The following TMPO variants were observed in gnomAD, a reference collection of about 807,000 sequenced individuals.
TMPO encodes thymopoietin.
A neutral mutation model predicts 45.4 loss-of-function variants in TMPO; 22 were observed. The observed-to-expected ratio is 0.48, with a 90% CI of 0.35 to 0.69. The LOEUF (loss-of-function observed/expected upper bound fraction) is 0.69, where lower values mean the gene tolerates loss of function less well. TMPO is among the 30% of genes least tolerant of loss of function. The pLI is 0.01. For missense variants in TMPO, 512 were observed against 548.8 expected (o/e 0.93, Z 0.67); for synonymous variants, 241 against 204.1 (o/e 1.18, Z -1.54).
At chr12:98,532,116 G>C (rs1474084526) in intron 3 of TMPO, 1 of 367,648 alleles carries the variant, frequency 2.7e-6, no homozygotes. Flanking sequence ...AGTATTACAA[G>C]TAAAGGCAAA....
chr12:98,527,335 C>CAAAA (rs374742173), intron 1 of TMPO, among the ~76,000 whole-genome samples: 4 of 93,572 alleles, frequency 4.3e-5, no homozygotes, highest in African/African-American at 1.6e-4. Flanking sequence ...CCCATCTCTA[C>CAAAA]AAAAAAAAAA....
At chr12:98,530,238 A>C (rs1877098054) in intron 2 of TMPO, among the ~76,000 whole-genome samples, 1 of 151,990 alleles carries the variant, frequency 6.6e-6, no homozygotes, top group African/African-American at 2.4e-5. Flanking sequence ...TCAGGAGGCA[A>C]AGGTGGGAGG....
At position 98,516,119 on chromosome 12, in the gene TMPO, G is replaced by GGGC; in HGVS notation, c.253_255dup (p.Gly85dup). On this transcript the variant is annotated inframe_insertion, in exon 1 of 9. Transcript: ENST00000556029. ...TCCTCGGCTCTGGGGCCGCCGCCGC[G>GGGC]GGCCGGAGCCGAGCAGCCGTCGGCA... 6.6e-7 allele frequency: 1 copy of GGGC among 1,509,534 alleles called. No individual in the cohort carries two copies. The highest frequency in any genetic ancestry group is 8.8e-7 in the Non-Finnish European group (1 of 1,139,082). The allele number at this position is 1,509,534 out of a possible 1,614,324, so 93.5% of individuals were successfully genotyped here.
At chr12:98,530,711 C>G (rs1337569460) in intron 2 of TMPO, among the ~76,000 whole-genome samples, 1 of 152,178 alleles carries the variant, frequency 6.6e-6, no homozygotes, top group Non-Finnish European at 1.5e-5. Flanking sequence ...TAACTGAATA[C>G]AGGCATATTA....
chr12:98,533,819 C>T, intron 3 of TMPO: 1 of 1,614,162 alleles, frequency 6.2e-7, no homozygotes. Context: ...TGCAAATATC[C>T]AGTTTCTTCC....
intron 1 of TMPO, 82 bp from the exon 2 acceptor site, chr12:98,527,804 G>T: frequency 6.5e-7 from 1 of 1,532,956 alleles, no homozygotes. Context: ...TAGTGAGTTT[G>T]CATGTTTATG....
chr12:98,519,802 T>A (rs1304519636), intron 1 of TMPO, among the ~76,000 whole-genome samples: 1 of 152,062 alleles, frequency 6.6e-6, no homozygotes, highest in Non-Finnish European at 1.5e-5. Context: ...TAGGAAAAAA[T>A]AATTTTAAGT....
At chr12:98,540,296 C>T (rs978840572) in intron 4 of TMPO, among the ~76,000 whole-genome samples, 7 of 152,186 alleles carry the variant, frequency 4.6e-5, no homozygotes, top group South Asian at 2.1e-4. Context: ...CTGTGCTATC[C>T]GTTACAGTAG....
chr12:98,519,736 T>C (rs928758997), intron 1 of TMPO, among the ~76,000 whole-genome samples: 2 of 152,206 alleles, frequency 1.3e-5, no homozygotes, highest in African/African-American at 4.8e-5. Context: ...TGTTTTAAAG[T>C]ACGTTAAGTA....
rs201838047 is a variant in TMPO at position 98,527,937 on chromosome 12, G to C, written c.331G>C (p.Asp111His). ...CAGACAAGAAGATAAAGATGATCTAGATGTAACAGAGCTCACTAATGAAGA... is the reference window on the plus strand; with the variant it reads ...CAGACAAGAAGATAAAGATGATCTACATGTAACAGAGCTCACTAATGAAGA... ...KPRQEDKDDL[D>H]VTELTNEDLL... The change falls in exon 2 of 9, where the codon GAT becomes CAT. Residue 111 changes from aspartate (D) to histidine (H), a missense_variant. Coordinates refer to ENST00000556029, the MANE Select transcript of TMPO (RefSeq NM_001032283.3). The C allele has an allele frequency of 2.3e-5, 37 of 1,613,790 alleles. No individual in the cohort carries two copies. Among genetic ancestry groups the C allele is most frequent in the Non-Finnish European group, 3.1e-5 (36 of 1,179,890 alleles).
At chr12:98,545,350 T>TCTTATAATA (rs2121254186) in intron 7 of TMPO, among the ~76,000 whole-genome samples, 1 of 152,318 alleles carries the variant, frequency 6.6e-6, no homozygotes, top group Non-Finnish European at 1.5e-5. Flanking sequence ...TATGTTCTGT[T>TCTTATAATA]TGTCATGGAT....
chr12:98,534,490 T>C (rs1001835438), intron 3 of TMPO: 4 of 1,477,770 alleles, frequency 2.7e-6, no homozygotes, highest in East Asian at 2.5e-5. Context: ...TAAAAGTAAT[T>C]GCCTGTGTAG....
intron 1 of TMPO, among the ~76,000 whole-genome samples, chr12:98,523,662 A>G (rs1876549058): frequency 6.6e-6 from 1 of 152,088 alleles, no homozygotes; most frequent in East Asian, 1.9e-4. Flanking sequence ...TGAAGGAAAT[A>G]TAATTGATTT....
At chr12:98,518,496 G>A (rs1350846217) in intron 1 of TMPO, among the ~76,000 whole-genome samples, 11 of 63,856 alleles carry the variant, frequency 1.7e-4, no homozygotes, top group Non-Finnish European at 3.3e-4. Flanking sequence ...TTTTTTTTTG[G>A]TACACAGGCT....
chr12:98,542,031 C>T (rs1433636599), intron 4 of TMPO, among the ~76,000 whole-genome samples: 1 of 152,146 alleles, frequency 6.6e-6, no homozygotes, highest in African/African-American at 2.4e-5. Context: ...TAACCACTCT[C>T]CATTTGGTGA....
Position 98,515,600 on chromosome 12 carries a change from G to A in TMPO, c.-268G>A. On this transcript the variant is annotated 5_prime_UTR_variant, in exon 1 of 9. Coordinates refer to ENST00000556029, the MANE Select transcript of TMPO (RefSeq NM_001032283.3). ...TCTTGGGGCGTGGGCGAAGCAGGCT[G>A]CTCGCCTCCTGCCTGTAGTGTGTGG... 1.8e-6 allele frequency: 1 copy of A among 549,618 alleles called. No individual in the cohort carries two copies. Among genetic ancestry groups the A allele is most frequent in the Non-Finnish European group, 3.1e-6 (1 of 321,270 alleles). The allele number at this position is 549,618 out of a possible 1,614,324, so 34.0% of individuals were successfully genotyped here.
At chr12:98,544,930 G>A (rs372133804) in intron 6 of TMPO, 21 bp from the exon 7 acceptor site, 2 of 1,520,158 alleles carry the variant, frequency 1.3e-6, no homozygotes, top group African/African-American at 2.7e-5. Context: ...TTCTGAGTCT[G>A]AATAATTTGA....
chr12:98,534,984 A>T, intron 3 of TMPO: 11 of 870,096 alleles, frequency 1.3e-5, no homozygotes, highest in Non-Finnish European at 1.5e-5. Flanking sequence ...CAATGACAGG[A>T]TTTGATTTTT....
At chr12:98,545,139 T>C (rs1399081768) in intron 7 of TMPO, 78 bp downstream of exon 7, 1 of 1,209,970 alleles carries the variant, frequency 8.3e-7, no homozygotes, top group Admixed American at 2.1e-5. Context: ...GTTTTTTTTT[T>C]TTTTTTTTGG....
Sources: allele counts gnomAD v4.1 joint callset (sites outside exome capture counted in the v4.1 genomes callset), GRCh38; gene constraint gnomAD v4.1.1; transcripts MANE v1.5; gene names NCBI Gene and HGNC (gene_info 2026-07-23, HGNC 2026-07-21).